The following ATP6V0A2 variants were observed in gnomAD, a reference collection of about 807,000 sequenced individuals.
The protein encoded by ATP6V0A2 is V-type proton ATPase 116 kDa subunit a 2.
A neutral mutation model predicts 104.4 loss-of-function variants in ATP6V0A2; 58 were observed. That is an observed-to-expected ratio of 0.56 (90% CI 0.45 to 0.69). The LOEUF is 0.69. Ranked by LOEUF, ATP6V0A2 falls within the 30% of genes least tolerant of loss-of-function variation. The pLI is 0.00. For synonymous variants in ATP6V0A2, 376 were observed against 397.9 expected (o/e 0.95, Z 0.65); for missense variants, 938 against 1,062.9 (o/e 0.88, Z 1.63).
chr12:123,725,532 C>T (rs1276278215), intron 4 of ATP6V0A2, among the ~76,000 whole-genome samples: 1 of 152,192 alleles, frequency 6.6e-6, no homozygotes, highest in Non-Finnish European at 1.5e-5. Context: ...AATCCCAGCA[C>T]TTTGGGAGGC....
Position 123,761,370 on chromosome 12 carries a change from A to G in ATP6V0A2, c.*3338A>G, listed in dbSNP as rs1354220189. 1 of 152,216 alleles carries G rather than the reference A, an allele frequency of 6.6e-6. No homozygotes were observed. Among genetic ancestry groups the G allele is most frequent in the African/African-American group, 2.4e-5 (1 of 41,462 alleles). 9.4% of individuals were successfully genotyped at this position (152,216 alleles called of 1,614,324 possible). A position where few individuals can be genotyped will look rare whatever the true frequency, so the allele number is the denominator to read the frequency against. On this transcript the variant is annotated 3_prime_UTR_variant, in exon 20 of 20. Transcript: ENST00000330342. ...CGCATTTAAAACAATAAATTCCTCT[A>G]TTAAAAACGTAAAGCCGGGTTTGCT...
At chr12:123,716,964 T>C (rs951762955) in intron 1 of ATP6V0A2, among the ~76,000 whole-genome samples, 15 of 151,900 alleles carry the variant, frequency 9.9e-5, no homozygotes, top group Non-Finnish European at 1.3e-4. Flanking sequence ...GGACATTCCA[T>C]GTAAGTGGAA....
chr12:123,741,435 T>G (rs1956608074), intron 9 of ATP6V0A2, among the ~76,000 whole-genome samples: 1 of 151,920 alleles, frequency 6.6e-6, no homozygotes, highest in Non-Finnish European at 1.5e-5. Flanking sequence ...GCTTAGCTGC[T>G]CAAGGAAATT....
chr12:123,722,362 C>A lies in ATP6V0A2; in HGVS notation c.208C>A (p.Gln70Lys). The change falls in exon 3 of 20, where the codon CAG becomes AAG. Residue 70 changes from glutamine (Q) to lysine (K), a missense_variant. By Grantham distance (53) the Gln-to-Lys change is moderately conservative. Coordinates refer to ENST00000330342, the MANE Select transcript of ATP6V0A2 (RefSeq NM_012463.4). ...TTTTATTTTCACAGTGTATTTGGTA[C>A]AGGAAATTAATAGAGCTGATATTCC... Reference protein sequence around the residue: ...ELERILVYLVQEINRADIPLP... With the variant: ...ELERILVYLVKEINRADIPLP... The A allele has an allele frequency of 6.3e-7, 1 of 1,599,504 alleles. No individual in the cohort carries two copies. The highest frequency in any genetic ancestry group is 1.3e-5 in the African/African-American group (1 of 74,738).
At chr12:123,728,097 T>G in intron 6 of ATP6V0A2, among the ~76,000 whole-genome samples, 188 bp downstream of exon 6, 1 of 152,254 alleles carries the variant, frequency 6.6e-6, no homozygotes, top group Admixed American at 6.5e-5. Flanking sequence ...TGCCATCACA[T>G]GACCATCAGT....
chr12:123,746,187 G>A (rs1956660009), intron 13 of ATP6V0A2, among the ~76,000 whole-genome samples: 2 of 151,916 alleles, frequency 1.3e-5, no homozygotes, highest in African/African-American at 2.4e-5. Flanking sequence ...GAAAGTTTGA[G>A]TGAGTTTTTT....
chr12:123,722,824 G>C (rs1956412966), intron 3 of ATP6V0A2, among the ~76,000 whole-genome samples: 1 of 151,988 alleles, frequency 6.6e-6, no homozygotes, highest in African/African-American at 2.4e-5. Context: ...CTTGTGCAAG[G>C]AATTGAGGCT....
At chr12:123,755,487 G>C (rs1566293686) in intron 18 of ATP6V0A2, among the ~76,000 whole-genome samples, 1 of 142,988 alleles carries the variant, frequency 7.0e-6, no homozygotes, top group Non-Finnish European at 1.5e-5. Flanking sequence ...AGTGAGCCAA[G>C]ATCACATCAC....
chr12:123,748,887 A>G, intron 15 of ATP6V0A2, 102 bp downstream of exon 15: 1 of 1,169,282 alleles, frequency 8.6e-7, no homozygotes, highest in Non-Finnish European at 1.3e-6. Flanking sequence ...GGAGCCTGGG[A>G]AGGCTGCTTC....
At position 123,744,947 on chromosome 12, in the gene ATP6V0A2, G is replaced by A. The variant is rs1566287689; in HGVS notation, c.1580G>A (p.Gly527Asp). The change falls in exon 13 of 20, where the codon GGC (glycine) becomes GAC (aspartate). Residue 527 changes from glycine (G) to aspartate (D), a missense_variant. Coordinates refer to ENST00000330342, the MANE Select transcript of ATP6V0A2 (RefSeq NM_012463.4). This position sits in a 1 kb window ranked among gnomAD's most constrained non-coding sequence, Gnocchi z 5.4. The part of the protein sequence containing the change: ...LDPSIPGVFR[G>D]PYPLGIDPIW... ...CCAAGCATTCCTGGAGTGTTCCGAG[G>A]CCCTTATCCCCTTGGCATTGATCCT... 2 of 1,614,222 alleles carry A rather than the reference G, an allele frequency of 1.2e-6. No individual in the cohort carries two copies.
chr12:123,743,830 A>T lies in ATP6V0A2; in HGVS notation c.1084A>T (p.Thr362Ser). 3.1e-6 allele frequency: 5 copies of T among 1,614,132 alleles called. No individual in the cohort carries two copies. The highest frequency in any genetic ancestry group is 4.2e-6 in the Non-Finnish European group (5 of 1,180,000). ...TIPSFMNIIP[T>S]KETPPTRIRT... ...CCCCTCATTCATGAATATAATCCCC[A>T]CAAAAGAAACACCCCCCACTCGGAT... is the stretch of plus-strand genomic sequence containing the variant. Residue 362 changes from threonine to serine, a missense_variant, in exon 10 of 20, where the codon ACA (threonine) becomes TCA (serine). Physicochemically the swap from Thr to Ser is moderately conservative, Grantham distance 58. Coordinates refer to ENST00000330342, the MANE Select transcript of ATP6V0A2 (RefSeq NM_012463.4).
At chr12:123,745,864 G>A (rs897218680) in intron 13 of ATP6V0A2, among the ~76,000 whole-genome samples, 1 of 152,150 alleles carries the variant, frequency 6.6e-6, no homozygotes, top group African/African-American at 2.4e-5. Context: ...TCAAAAGAAT[G>A]ACTGAGAAAC....
chr12:123,717,478 T>A (rs1327053443), intron 1 of ATP6V0A2, among the ~76,000 whole-genome samples: 1 of 150,792 alleles, frequency 6.6e-6, no homozygotes, highest in African/African-American at 2.4e-5. Flanking sequence ...AGGCTCTTGC[T>A]TTGTCACCCA....
intron 6 of ATP6V0A2, chr12:123,733,417 TCCCAGCCAGCAGCTCTGTGA>T (rs1956521837): frequency 6.5e-6 from 1 of 153,508 alleles, no homozygotes. Flanking sequence ...TACATTGAGC[TCCCAGCCAGCAGCTCTGTGA>T]CTCGAGCCCG....
intron 8 of ATP6V0A2, 45 bp from the exon 9 acceptor site, chr12:123,737,014 A>G: frequency 6.3e-7 from 1 of 1,596,532 alleles, no homozygotes; most frequent in East Asian, 2.2e-5. Context: ...GGACAGAAAC[A>G]AAAACATGCC....
chr12:123,733,086 G>A (rs1440483084), intron 6 of ATP6V0A2: 5 of 152,164 alleles, frequency 3.3e-5, no homozygotes, highest in Admixed American at 1.3e-4. Flanking sequence ...GCCGAGGCAG[G>A]TGGATCACCT....
At chr12:123,725,360 G>A (rs561803790) in intron 4 of ATP6V0A2, among the ~76,000 whole-genome samples, 76 of 152,062 alleles carry the variant, frequency 5.0e-4, no homozygotes, top group African/African-American at 1.8e-3. Context: ...TTTATAAGAT[G>A]GTTTAGTTTG....
chr12:123,740,219 T>TG (rs1253438618), intron 9 of ATP6V0A2, among the ~76,000 whole-genome samples: 1 of 135,010 alleles, frequency 7.4e-6, no homozygotes, highest in Non-Finnish European at 1.6e-5. Flanking sequence ...TTTTTTTTTT[T>TG]GGAGATAGAG....
chr12:123,754,137 G>A (rs1428459746), intron 17 of ATP6V0A2: 1 of 563,746 alleles, frequency 1.8e-6, no homozygotes, highest in Non-Finnish European at 3.2e-6. Flanking sequence ...CAGTTCCTCT[G>A]GTCTACCTTC....
Sources: allele counts gnomAD v4.1 joint callset (sites outside exome capture counted in the v4.1 genomes callset), GRCh38; gene constraint gnomAD v4.1.1; non-coding constraint Gnocchi (gnomAD v3.1); transcripts MANE v1.5; gene names NCBI Gene and HGNC (gene_info 2026-07-23, HGNC 2026-07-21).